HAL: variants seen among roughly 807,000 people sequenced by gnomAD.
HAL encodes histidase.
A neutral mutation model predicts 81.1 loss-of-function variants in HAL; 85 were observed. The observed-to-expected ratio is 1.05, with a 90% CI of 0.88 to 1.25. The LOEUF (loss-of-function observed/expected upper bound fraction) is 1.25. HAL is among the 50% of genes most tolerant of loss of function. HAL has a pLI of 0.00. For synonymous variants in HAL, 301 were observed against 309.2 expected (o/e 0.97, Z 0.28); for missense variants, 798 against 836.6 (o/e 0.95, Z 0.57).
intron 8 of HAL, 96 bp from the exon 9 acceptor site, chr12:95,992,901 C>A (rs1949989783): frequency 9.2e-7 from 1 of 1,089,728 alleles, no homozygotes; most frequent in South Asian, 1.3e-5. Flanking sequence ...CCATATGTAG[C>A]CCAGCCTGCT....
At chr12:95,978,820 A>AT (rs1410174574) in intron 17 of HAL, among the ~76,000 whole-genome samples, 7 of 152,212 alleles carry the variant, frequency 4.6e-5, no homozygotes, top group African/African-American at 1.7e-4. Flanking sequence ...GGTCAGACTC[A>AT]AAGTCTCTTC....
intron 4 of HAL, among the ~76,000 whole-genome samples, 171 bp downstream of exon 4, chr12:95,994,627 T>C (rs138575362): frequency 6.6e-6 from 1 of 152,310 alleles, no homozygotes; most frequent in Non-Finnish European, 1.5e-5. Context: ...TGACCTCAAG[T>C]GAACTGCCCA....
intron 2 of HAL, among the ~76,000 whole-genome samples, chr12:95,995,353 T>C (rs1348301995): frequency 2.0e-5 from 3 of 152,178 alleles, no homozygotes; most frequent in Non-Finnish European, 4.4e-5. Flanking sequence ...AATGATTCAG[T>C]CACTGCAAAG....
chr12:95,986,261 G>C, intron 12 of HAL, 101 bp from the exon 13 acceptor site: 1 of 750,998 alleles, frequency 1.3e-6, no homozygotes, highest in Non-Finnish European at 2.3e-6. Flanking sequence ...TCAAACTCCT[G>C]GGCTCTAGCG....
At chr12:95,986,407 G>T (rs1056204730) in intron 12 of HAL, among the ~76,000 whole-genome samples, 1 of 152,072 alleles carries the variant, frequency 6.6e-6, no homozygotes, top group Non-Finnish European at 1.5e-5. Context: ...GCCCTCAAAA[G>T]TCCCAGGGGT....
At position 95,993,463 on chromosome 12, in the gene HAL, A is replaced by C; in HGVS notation, c.577T>G (p.Ser193Ala). The C allele has an allele frequency of 6.2e-7, 1 of 1,604,150 alleles. No homozygotes were observed. Among genetic ancestry groups the C allele is most frequent in the Non-Finnish European group, 8.5e-7 (1 of 1,170,852 alleles). ...CGTTTTGACTTACCTGAAGAATGTGAGCGTACTAAGTTGACCTGAAGCTCC... is the reference window on the plus strand; with the variant it reads ...CGTTTTGACTTACCTGAAGAATGTGCGCGTACTAAGTTGACCTGAAGCTCC... Reference protein sequence around the residue: ...LQELQVNLVRSHSSGVGKPLS... With the variant: ...LQELQVNLVRAHSSGVGKPLS... Residue 193 changes from serine to alanine, a missense_variant, in exon 8 of 21, where the codon TCA becomes GCA. Coordinates refer to ENST00000261208, the MANE Select transcript of HAL (RefSeq NM_002108.4).
chr12:95,984,019 G>A (rs745574805), intron 14 of HAL, 28 bp from the exon 15 acceptor site: 1 of 1,118,458 alleles, frequency 8.9e-7, no homozygotes, highest in East Asian at 2.3e-5. Context: ...TAAGGTATAT[G>A]ACCCATTTGA....
chr12:95,996,164 C>A lies in HAL; in HGVS notation c.-168G>T. 3 of 503,254 alleles carry A rather than the reference C, an allele frequency of 6.0e-6. No homozygotes were observed. The highest frequency in any genetic ancestry group is 1.1e-5 in the Non-Finnish European group (3 of 273,400). The allele number at this position is 503,254 out of a possible 1,614,324, so 31.2% of individuals were successfully genotyped here. A position where few individuals can be genotyped will look rare whatever the true frequency, so the allele number is the denominator to read the frequency against. ...GCCTCCTGTCCACTTTCCATCCAGA[C>A]CTGCTGCCAGAAAGGCCTGGGGTCT... On this transcript the variant is annotated 5_prime_UTR_variant, in exon 1 of 21. Coordinates refer to ENST00000261208, the MANE Select transcript of HAL (RefSeq NM_002108.4).
chr12:95,980,900 C>G, intron 15 of HAL, 37 bp from the exon 16 acceptor site: 1 of 1,243,624 alleles, frequency 8.0e-7, no homozygotes, highest in Non-Finnish European at 1.2e-6. Context: ...ATAATGTTTG[C>G]TGGTCACTTC....
Position 95,973,847 on chromosome 12 carries a change from A to G in HAL, c.*385T>C. 5.7e-6 allele frequency: 1 copy of G among 174,736 alleles called. No individual in the cohort carries two copies. Among genetic ancestry groups the G allele is most frequent in the East Asian group, 1.6e-4 (1 of 6,418 alleles). 10.8% of individuals were successfully genotyped at this position (174,736 alleles called of 1,614,324 possible). On this transcript the variant is annotated 3_prime_UTR_variant, in exon 21 of 21. Transcript: ENST00000261208. Reference sequence around the variant, plus strand: ...TTAAAAAAAAAAAAAAAGGTTAACAAAAGTCTAATGTTTTTAGAAAAAATT... The same window carrying G: ...TTAAAAAAAAAAAAAAAGGTTAACAGAAGTCTAATGTTTTTAGAAAAAATT...
intron 4 of HAL, 113 bp downstream of exon 4, chr12:95,994,685 C>T (rs368615174): frequency 5.5e-5 from 60 of 1,087,892 alleles, no homozygotes; most frequent in South Asian, 1.6e-4. Flanking sequence ...TCACTGCTCC[C>T]GGCCAGCCCT....
At position 95,976,877 on chromosome 12, in the gene HAL, T is replaced by G. The variant is rs543568987; in HGVS notation, c.1655-171A>C. ...ATTTAGTTGCCATTTTAACCTGTTT[T>G]CTAACCCCTTGACTATATCTTTAAT... is the stretch of plus-strand genomic sequence containing the variant. On this transcript the variant is annotated intron_variant, in intron 18 of 20. Transcript: ENST00000261208. Among the ~76,000 whole-genome samples the G allele has an allele frequency of 3.0e-4, 45 of 152,306 alleles. 1 individual carries two copies. In the East Asian group the frequency reaches 7.7e-3, roughly 26 times the overall value.
intron 20 of HAL, among the ~76,000 whole-genome samples, chr12:95,975,604 C>G (rs10777763): frequency 0.13 from 20,351 of 152,090 alleles, 2,363 homozygotes; most frequent in African/African-American, 0.32. Flanking sequence ...AGCCAAGGAG[C>G]CTTTCCTATT....
At chr12:95,985,828 A>G in intron 14 of HAL, 80 bp downstream of exon 14, 2 of 932,350 alleles carry the variant, frequency 2.1e-6, no homozygotes, top group Non-Finnish European at 1.7e-6. Flanking sequence ...TTCCTATTTT[A>G]AAATTTTTCA....
intron 15 of HAL, 58 bp from the exon 16 acceptor site, chr12:95,980,921 C>G: frequency 1.0e-6 from 1 of 961,802 alleles, no homozygotes. Flanking sequence ...AAGTACAACC[C>G]CTTCCTGCCT....
At chr12:95,987,251 A>G (rs1949902344) in intron 11 of HAL, 37 bp from the exon 12 acceptor site, 3 of 1,581,794 alleles carry the variant, frequency 1.9e-6, no homozygotes, top group Non-Finnish European at 2.6e-6. Flanking sequence ...TACTGTGATT[A>G]TTGTAACGAA....
chr12:95,988,205 TA>T lies in HAL; in HGVS notation c.890del (p.Leu297Ter). 1 of 1,500,940 alleles carries T rather than the reference TA, an allele frequency of 6.7e-7. No homozygotes were observed. Among genetic ancestry groups the T allele is most frequent in the Non-Finnish European group, 9.3e-7 (1 of 1,076,898 alleles). 93.0% of individuals were successfully genotyped at this position (1,500,940 alleles called of 1,614,324 possible). Reference sequence around the variant, plus strand: ...TGAGTTTCCTTACCTCTTTTGGTTTTAAAATAACTGGTTTCAATCCATGGGC... The same window carrying T: ...TGAGTTTCCTTACCTCTTTTGGTTTTAAATAACTGGTTTCAATCCATGGGC... ...LEAHGLKPVI[L>X]KPKEGLALIN... On this transcript the variant is annotated frameshift_variant, in exon 11 of 21. Coordinates refer to ENST00000261208, the MANE Select transcript of HAL (RefSeq NM_002108.4). LOFTEE classifies it high-confidence loss of function.
rs779836173 is a variant in HAL at position 95,977,983 on chromosome 12, C to T, written c.1615G>A (p.Ala539Thr). ...EDHVSMGGWAARKALRVIEHV... is the reference protein window; with the variant it reads ...EDHVSMGGWATRKALRVIEHV... ...TCGATGACCCTGAGGGCTTTCCTTG[C>T]TGCCCATCCTCCCATGGAGACGTGG... The change falls in exon 18 of 21, where the codon GCA (alanine) becomes ACA (threonine). Residue 539 changes from alanine to threonine, a missense_variant. Coordinates refer to ENST00000261208, the MANE Select transcript of HAL (RefSeq NM_002108.4). The T allele has an allele frequency of 8.7e-6, 14 of 1,614,168 alleles. No individual in the cohort carries two copies. Among genetic ancestry groups the T allele is most frequent in the Non-Finnish European group, 1.2e-5 (14 of 1,179,990 alleles).
chr12:95,980,764 C>T (rs764498650), intron 16 of HAL, 34 bp downstream of exon 16: 3 of 1,602,090 alleles, frequency 1.9e-6, no homozygotes, highest in Non-Finnish European at 2.6e-6. Context: ...TTGAAATGTG[C>T]CTTCTGGGTC....
Sources: allele counts gnomAD v4.1 joint callset (sites outside exome capture counted in the v4.1 genomes callset), GRCh38; gene constraint gnomAD v4.1.1; transcripts MANE v1.5; gene names NCBI Gene and HGNC (gene_info 2026-07-23, HGNC 2026-07-21).